EXOC6B: variants seen among roughly 807,000 people sequenced by gnomAD.
EXOC6B encodes the protein exocyst complex component 6B, also known as SEC15 homolog B.
Under a neutral mutation model 113.5 loss-of-function variants are expected in EXOC6B, and 54 were observed. The ratio of observed to expected loss-of-function variants is 0.48; its 90% CI spans 0.38 to 0.60. The LOEUF (loss-of-function observed/expected upper bound fraction) is 0.60. Ranked by LOEUF, EXOC6B falls within the 20% of genes least tolerant of loss-of-function variation. EXOC6B has a pLI of 0.00. For synonymous variants in EXOC6B, 357 were observed against 339.0 expected (o/e 1.05, Z -0.58); for missense variants, 797 against 977.5 (o/e 0.82, Z 2.46).
intron 8 of EXOC6B, among the ~76,000 whole-genome samples, chr2:72,542,297 A>G (rs191095966): frequency 1.5e-3 from 235 of 152,302 alleles, no homozygotes; most frequent in Non-Finnish European, 2.5e-3. Flanking sequence ...AAAAAATGAG[A>G]TGGATCTTGC....
At chr2:72,551,210 T>C (rs550129508) in intron 8 of EXOC6B, among the ~76,000 whole-genome samples, 2 of 152,264 alleles carry the variant, frequency 1.3e-5, no homozygotes, top group East Asian at 3.9e-4. Flanking sequence ...TATTTTAATA[T>C]CATAAAATCC....
At chr2:72,792,564 A>G (rs997107028) in intron 1 of EXOC6B, among the ~76,000 whole-genome samples, 1 of 152,178 alleles carries the variant, frequency 6.6e-6, no homozygotes, top group African/African-American at 2.4e-5. Context: ...TGAGACATAC[A>G]ATATAATAAG....
chr2:72,542,008 A>G (rs1285269557), intron 8 of EXOC6B, among the ~76,000 whole-genome samples: 2 of 152,160 alleles, frequency 1.3e-5, no homozygotes, highest in African/African-American at 4.8e-5. Context: ...GTATATCAAC[A>G]TTTCTTATAA....
intron 20 of EXOC6B, among the ~76,000 whole-genome samples, chr2:72,276,032 G>GA (rs1684792046): frequency 6.6e-6 from 1 of 152,134 alleles, no homozygotes; most frequent in South Asian, 2.1e-4. Context: ...GGGAGTGGGG[G>GA]ATGGAGAAGG....
At chr2:72,442,857 T>C (rs1266337800) in intron 18 of EXOC6B, among the ~76,000 whole-genome samples, 2 of 152,084 alleles carry the variant, frequency 1.3e-5, no homozygotes, top group East Asian at 1.9e-4. Flanking sequence ...TAAACTGCCA[T>C]TGACATTCTT....
chr2:72,545,377 T>C (rs994515097), intron 8 of EXOC6B, among the ~76,000 whole-genome samples: 17 of 152,144 alleles, frequency 1.1e-4, no homozygotes, highest in African/African-American at 3.4e-4. Flanking sequence ...TCAAATCGAC[T>C]ATCGAAAATA....
intron 6 of EXOC6B, among the ~76,000 whole-genome samples, chr2:72,625,268 T>A (rs914399404): frequency 6.6e-6 from 1 of 151,136 alleles, no homozygotes; most frequent in African/African-American, 2.4e-5. Context: ...TGTGTATATA[T>A]ATACCTAAAA....
At chr2:72,645,746 G>A (rs1016420488) in intron 6 of EXOC6B, among the ~76,000 whole-genome samples, 6 of 152,124 alleles carry the variant, frequency 3.9e-5, no homozygotes, top group African/African-American at 1.4e-4. Flanking sequence ...AAACCAATGA[G>A]AACAAAGACA....
At chr2:72,441,713 A>C (rs534022952) in intron 18 of EXOC6B, among the ~76,000 whole-genome samples, 13 of 152,334 alleles carry the variant, frequency 8.5e-5, no homozygotes, top group Admixed American at 7.2e-4. Flanking sequence ...ATCCCTGAAC[A>C]GACCAATAAT....
At chr2:72,214,487 CAAAA>C (rs11355575) in intron 20 of EXOC6B, among the ~76,000 whole-genome samples, 2 of 105,218 alleles carry the variant, frequency 1.9e-5, no homozygotes, top group African/African-American at 3.0e-5. Context: ...TGAGACTTGT[CAAAA>C]AAAAAAAAAA....
At chr2:72,481,175 C>T (rs1287384860) in intron 16 of EXOC6B, among the ~76,000 whole-genome samples, 1 of 152,174 alleles carries the variant, frequency 6.6e-6, no homozygotes, top group Non-Finnish European at 1.5e-5. Flanking sequence ...TTGCCTTCCA[C>T]CATGATTATA....
At position 72,335,039 on chromosome 2, in the gene EXOC6B, G is replaced by A; in HGVS notation, c.2123-19C>T. 6.2e-7 allele frequency: 1 copy of A among 1,611,986 alleles called. No homozygotes were observed. Among genetic ancestry groups the A allele is most frequent in the Non-Finnish European group, 8.5e-7 (1 of 1,178,306 alleles). On this transcript the variant is annotated intron_variant, in intron 19 of 21. Transcript: ENST00000272427. ...GCAAACTCTGTGGGAAAGAAAAGAG[G>A]ATAAAAAGCGCCTTTAACTAACCAT...
At chr2:72,696,175 A>T (rs1677864155) in intron 6 of EXOC6B, among the ~76,000 whole-genome samples, 1 of 152,186 alleles carries the variant, frequency 6.6e-6, no homozygotes, top group Non-Finnish European at 1.5e-5. Flanking sequence ...ATTGACAGTA[A>T]TATTCTCATT....
At chr2:72,726,322 A>G (rs1481245404) in intron 5 of EXOC6B, among the ~76,000 whole-genome samples, 2 of 152,224 alleles carry the variant, frequency 1.3e-5, no homozygotes, top group Non-Finnish European at 2.9e-5. Context: ...ACTAAAATCT[A>G]TTCAACTGTA....
chr2:72,707,423 T>C (rs1573660043), intron 6 of EXOC6B, among the ~76,000 whole-genome samples: 1 of 151,690 alleles, frequency 6.6e-6, no homozygotes, highest in East Asian at 1.9e-4. Context: ...TCTTTTCTTT[T>C]TTTTTTTTGA....
At chr2:72,610,565 CA>C (rs1160160797) in intron 6 of EXOC6B, among the ~76,000 whole-genome samples, 1 of 152,028 alleles carries the variant, frequency 6.6e-6, no homozygotes, top group African/African-American at 2.4e-5. Context: ...ATCTGAGCAA[CA>C]AAATAAATAA....
intron 20 of EXOC6B, among the ~76,000 whole-genome samples, chr2:72,319,900 A>G (rs377579932): frequency 8.6e-5 from 13 of 151,848 alleles, no homozygotes; most frequent in African/African-American, 2.9e-4. Context: ...CAGTGGTGCG[A>G]TCTCAGCCCA....
intron 6 of EXOC6B, among the ~76,000 whole-genome samples, chr2:72,624,955 T>G (rs988747486): frequency 6.6e-6 from 1 of 151,558 alleles, no homozygotes. Context: ...TGTCTGCCTA[T>G]AGAGTCCACA....
intron 1 of EXOC6B, among the ~76,000 whole-genome samples, chr2:72,754,684 C>T (rs1682290793): frequency 6.6e-6 from 1 of 150,874 alleles, no homozygotes; most frequent in African/African-American, 2.4e-5. Flanking sequence ...ACAATCATGG[C>T]TCACTTACAG....
Sources: allele counts gnomAD v4.1 joint callset (sites outside exome capture counted in the v4.1 genomes callset), GRCh38; gene constraint gnomAD v4.1.1; transcripts MANE v1.5; gene names NCBI Gene and HGNC (gene_info 2026-07-23, HGNC 2026-07-21).